The following BCL2L14 variants were observed in gnomAD, a reference collection of about 807,000 sequenced individuals.
BCL2L14 encodes the protein BCL2 like 14.
In BCL2L14, 27 loss-of-function variants were observed where a neutral mutation model predicts 35.3. The ratio of observed to expected loss-of-function variants is 0.76; its 90% CI spans 0.56 to 1.05. BCL2L14 has a LOEUF of 1.05. BCL2L14 is among the 50% of genes least tolerant of loss of function. BCL2L14 has a pLI of 0.00. For missense variants in BCL2L14, 377 were observed against 382.6 expected (o/e 0.99, Z 0.12); for synonymous variants, 139 against 145.9 (o/e 0.95, Z 0.34).
rs1217174371 is a variant in BCL2L14 at position 12,052,958 on chromosome 12, A to T, written c.-272+1111A>T. On this transcript the variant is annotated intron_variant, in intron 2 of 3. Transcript: ENST00000461264. ...GTGTTTGGGGCAGGGGTAGTAGAAGAGCAAGACGGTTCATGAATTCAGTAT... is the reference window on the plus strand; with the variant it reads ...GTGTTTGGGGCAGGGGTAGTAGAAGTGCAAGACGGTTCATGAATTCAGTAT... Among the ~76,000 whole-genome samples the T allele has an allele frequency of 2.6e-5, 4 of 152,206 alleles. No individual in the cohort carries two copies. In the East Asian group the frequency reaches 7.7e-4, roughly 29 times the overall value.
At chr12:12,067,405 G>A (rs1399948051), upstream of BCL2L14, among the ~76,000 whole-genome samples, 1 of 152,020 alleles carries the variant, frequency 6.6e-6, no homozygotes, top group Non-Finnish European at 1.5e-5. Flanking sequence ...ACAAAAATGA[G>A]CCAGGCGTGG....
At chr12:12,077,786 G>A (rs1287532077) in intron 1 of BCL2L14, 2 of 202,228 alleles carry the variant, frequency 9.9e-6, no homozygotes, top group African/African-American at 4.6e-5. Flanking sequence ...CTGAATTTGG[G>A]ACTGTTAGAC....
chr12:12,061,329 A>C (rs1285617551), intron 2 of BCL2L14, among the ~76,000 whole-genome samples: 1 of 151,240 alleles, frequency 6.6e-6, no homozygotes, highest in Non-Finnish European at 1.5e-5. Flanking sequence ...CACACCCCTT[A>C]CCATCTCATT....
intron 2 of BCL2L14, among the ~76,000 whole-genome samples, chr12:12,084,398 T>C (rs1467769197): frequency 6.6e-6 from 1 of 152,142 alleles, no homozygotes; most frequent in Non-Finnish European, 1.5e-5. Flanking sequence ...TAGAGGTCTG[T>C]TACTAAGGAA....
At chr12:12,068,740 C>CA (rs1948623316), upstream of BCL2L14, among the ~76,000 whole-genome samples, 1 of 151,840 alleles carries the variant, frequency 6.6e-6, no homozygotes, top group Admixed American at 6.6e-5. Flanking sequence ...TGGGAGGCCA[C>CA]ATGGGTTCTT....
intron 3 of BCL2L14, among the ~76,000 whole-genome samples, chr12:12,089,694 A>G (rs1240970127): frequency 6.6e-6 from 1 of 152,138 alleles, no homozygotes. Flanking sequence ...CAAGACTCAC[A>G]TACTCCACTG....
chr12:12,098,808 AC>A (rs1949369527), intron 5 of BCL2L14, 141 bp from the exon 6 acceptor site: 1 of 694,272 alleles, frequency 1.4e-6, no homozygotes, highest in Non-Finnish European at 2.6e-6. Context: ...AATGCCAGTC[AC>A]CTCTCCAAAC....
At chr12:12,096,388 T>C (rs912191378) in intron 5 of BCL2L14, among the ~76,000 whole-genome samples, 1 of 149,814 alleles carries the variant, frequency 6.7e-6, no homozygotes, top group Non-Finnish European at 1.5e-5. Flanking sequence ...AATAGATACA[T>C]TGGATTTTGT....
chr12:12,063,668 TAAG>T (rs1234572113), intron 2 of BCL2L14, among the ~76,000 whole-genome samples: 1 of 152,142 alleles, frequency 6.6e-6, no homozygotes, highest in Non-Finnish European at 1.5e-5. Flanking sequence ...CTTATTAATA[TAAG>T]AAGACAGGAA....
At chr12:12,086,257 G>T (rs1456142386) in intron 2 of BCL2L14, among the ~76,000 whole-genome samples, 1 of 152,188 alleles carries the variant, frequency 6.6e-6, no homozygotes, top group African/African-American at 2.4e-5. Flanking sequence ...GATCCAAGCT[G>T]CAGTGAGCTG....
intron 5 of BCL2L14, among the ~76,000 whole-genome samples, chr12:12,097,596 A>C (rs780124760): frequency 3.3e-5 from 5 of 152,232 alleles, no homozygotes; most frequent in Non-Finnish European, 5.9e-5. Flanking sequence ...AATGTCCTAA[A>C]ATCAGAGGCG....
At chr12:12,079,878 T>C (rs1203000602) in intron 2 of BCL2L14, 140 bp downstream of exon 2, 1 of 874,710 alleles carries the variant, frequency 1.1e-6, no homozygotes, top group Non-Finnish European at 1.7e-6. Flanking sequence ...TTATTAGTGT[T>C]CAATCATAAT....
chr12:12,073,280 C>T (rs961368131), intron 1 of BCL2L14, among the ~76,000 whole-genome samples: 5 of 152,228 alleles, frequency 3.3e-5, no homozygotes, highest in Non-Finnish European at 7.3e-5. Flanking sequence ...CCGCTCCCTC[C>T]GCTGTAGGGT....
At chr12:12,058,140 C>G (rs1012116420) in intron 2 of BCL2L14, among the ~76,000 whole-genome samples, 2 of 151,634 alleles carry the variant, frequency 1.3e-5, no homozygotes, top group Non-Finnish European at 2.9e-5. Context: ...TTAGTAGCGA[C>G]GAGGTTTCAC....
At chr12:12,098,888 T>C in intron 5 of BCL2L14, 62 bp from the exon 6 acceptor site, 1 of 1,195,520 alleles carries the variant, frequency 8.4e-7, no homozygotes, top group South Asian at 1.2e-5. Flanking sequence ...TTAGCAGCCA[T>C]ATGTTTTCAC....
intron 1 of BCL2L14, among the ~76,000 whole-genome samples, chr12:12,051,160 G>T (rs570081921): frequency 1.3e-5 from 2 of 152,126 alleles, no homozygotes; most frequent in Non-Finnish European, 2.9e-5. Flanking sequence ...TGAGGGAGGG[G>T]TTAATAAATA....
At chr12:12,069,577 G>T (rs970270451), upstream of BCL2L14, among the ~76,000 whole-genome samples, 1 of 151,602 alleles carries the variant, frequency 6.6e-6, no homozygotes, top group African/African-American at 2.4e-5. Flanking sequence ...GCTTGGTGGC[G>T]GGCGCCTGTA....
Position 12,079,449 on chromosome 12 carries a change from G to A in BCL2L14, c.144G>A (p.Leu48=), listed in dbSNP as rs1425155289. The change falls in exon 2 of 6, where the codon CTG becomes CTA. Residue 48 remains leucine (L), a synonymous_variant. Coordinates refer to ENST00000308721, the MANE Select transcript of BCL2L14 (RefSeq NM_138723.2). ...CTGCTCTCTTCTCACCAAAGCTGCT[G>A]AGAACAAGAAGTTTGTCCCAGAGGG... ...STPALFSPKL[L]RTRSLSQRGL... is the part of the protein sequence containing the mutation. The A allele has an allele frequency of 6.2e-7, 1 of 1,614,114 alleles. No homozygotes were observed. The highest frequency in any genetic ancestry group is 1.3e-5 in the African/African-American group (1 of 74,944).
intron 3 of BCL2L14, 126 bp downstream of exon 3, chr12:12,087,512 C>T: frequency 9.2e-7 from 1 of 1,081,116 alleles, no homozygotes; most frequent in Non-Finnish European, 1.3e-6. Context: ...TTGACAGCCA[C>T]AGGCTGTGGG....
Sources: gnomAD v4.1 joint callset for allele counts (sites outside exome capture counted in the v4.1 genomes callset) on GRCh38, gnomAD v4.1.1 for gene constraint, MANE v1.5 for transcripts, NCBI Gene and HGNC (gene_info 2026-07-23, HGNC 2026-07-21) for gene names.